The following GLIPR1L1 variants were observed in gnomAD, a reference collection of about 807,000 sequenced individuals.
The protein encoded by GLIPR1L1 is GLIPR1 like 1, also known as GLIPR1-like protein 1.
A neutral mutation model predicts 29.9 loss-of-function variants in GLIPR1L1; 26 were observed. That is an observed-to-expected ratio of 0.87 (90% CI 0.64 to 1.21). GLIPR1L1 has a LOEUF of 1.21. Ranked by LOEUF, GLIPR1L1 falls within the 50% of genes most tolerant of loss-of-function variation. The pLI is 0.00. For missense variants in GLIPR1L1, 305 were observed against 290.3 expected (o/e 1.05, Z -0.37); for synonymous variants, 77 against 97.5 (o/e 0.79, Z 1.24).
chr12:75,369,106 T>A (rs914446356), intron 4 of GLIPR1L1, among the ~76,000 whole-genome samples: 2 of 151,978 alleles, frequency 1.3e-5, no homozygotes, highest in African/African-American at 2.4e-5. Flanking sequence ...CAGTTATATA[T>A]GTAGACCTTG....
intron 1 of GLIPR1L1, among the ~76,000 whole-genome samples, chr12:75,342,871 CAT>C (rs1194076878): frequency 1.3e-5 from 2 of 151,964 alleles, no homozygotes; most frequent in Non-Finnish European, 2.9e-5. Flanking sequence ...CAGTTTTCAG[CAT>C]AGAGATCTTG....
At chr12:75,369,423 T>C (rs2044209793) in intron 4 of GLIPR1L1, 2 of 633,412 alleles carry the variant, frequency 3.2e-6, no homozygotes, top group Non-Finnish European at 3.9e-6. Flanking sequence ...GCTAGAATCA[T>C]GCTGAATACG....
At chr12:75,339,045 A>G (rs542041627) in intron 1 of GLIPR1L1, among the ~76,000 whole-genome samples, 10 of 152,270 alleles carry the variant, frequency 6.6e-5, no homozygotes, top group African/African-American at 2.2e-4. Flanking sequence ...GCTATTGTGA[A>G]TAGTGTGCAG....
intron 1 of GLIPR1L1, among the ~76,000 whole-genome samples, chr12:75,337,849 T>C (rs1428338513): frequency 1.3e-5 from 2 of 152,064 alleles, no homozygotes; most frequent in Non-Finnish European, 2.9e-5. Flanking sequence ...CTTCTTTGTC[T>C]TGTACAAATG....
intron 1 of GLIPR1L1, among the ~76,000 whole-genome samples, chr12:75,335,494 T>A (rs1026744305): frequency 3.3e-5 from 5 of 152,308 alleles, no homozygotes; most frequent in African/African-American, 9.6e-5. Flanking sequence ...GCATTGTAAC[T>A]TTTTCTTGTT....
At chr12:75,369,480 A>G in intron 4 of GLIPR1L1, 2 of 962,960 alleles carry the variant, frequency 2.1e-6, no homozygotes, top group Non-Finnish European at 2.5e-6. Context: ...TAAGTAGATT[A>G]TTTCCTAATG....
intron 2 of GLIPR1L1, among the ~76,000 whole-genome samples, chr12:75,344,616 G>A (rs985574862): frequency 2.0e-5 from 3 of 151,970 alleles, no homozygotes; most frequent in African/African-American, 7.2e-5. Flanking sequence ...TCAATAGATT[G>A]ATTTTTCTCT....
intron 3 of GLIPR1L1, among the ~76,000 whole-genome samples, chr12:75,350,205 C>A (rs1351134184): frequency 6.6e-6 from 1 of 152,204 alleles, no homozygotes; most frequent in Non-Finnish European, 1.5e-5. Context: ...TTTTCAGCAC[C>A]CCCAGCCAGG....
At chr12:75,364,029 G>A (rs570957749) in intron 4 of GLIPR1L1, among the ~76,000 whole-genome samples, 1 of 152,302 alleles carries the variant, frequency 6.6e-6, no homozygotes, top group South Asian at 2.1e-4. Flanking sequence ...CCTCGGTTAA[G>A]ATAAGGGGTT....
chr12:75,363,906 A>T (rs1373636483), intron 4 of GLIPR1L1, among the ~76,000 whole-genome samples: 2 of 152,198 alleles, frequency 1.3e-5, no homozygotes, highest in African/African-American at 4.8e-5. Context: ...AGGCAAGACA[A>T]CTGGAAGTAG....
intron 3 of GLIPR1L1, among the ~76,000 whole-genome samples, chr12:75,357,569 G>A (rs2043233551): frequency 6.6e-6 from 1 of 151,950 alleles, no homozygotes; most frequent in African/African-American, 2.4e-5. Context: ...TTCTTCAAGT[G>A]TACATGAAAT....
At chr12:75,349,735 G>T (rs2042680570) in intron 3 of GLIPR1L1, among the ~76,000 whole-genome samples, 1 of 152,008 alleles carries the variant, frequency 6.6e-6, no homozygotes, top group Admixed American at 6.5e-5. Flanking sequence ...CATAACATTA[G>T]AAATTATCCA....
In GLIPR1L1 at chr12:75,370,068, GT is replaced by G; in HGVS notation, c.638-12del. The G allele has an allele frequency of 6.5e-7, 1 of 1,527,212 alleles. No homozygotes were observed. Among genetic ancestry groups the G allele is most frequent in the Non-Finnish European group, 9.0e-7 (1 of 1,107,254 alleles). 94.6% of individuals were successfully genotyped at this position (1,527,212 alleles called of 1,614,324 possible). On this transcript the variant is annotated splice_polypyrimidine_tract_variant and intron_variant, in intron 5 of 5. Transcript: ENST00000378695. ...TTGAACTCTTAACTATTCTGGTTTT[GT>G]TTTTGTTTTTGACAGAAAATCCATT...
chr12:75,350,208 C>T (rs542248490), intron 3 of GLIPR1L1, among the ~76,000 whole-genome samples: 2 of 152,360 alleles, frequency 1.3e-5, no homozygotes, highest in East Asian at 3.9e-4. Flanking sequence ...TCAGCACCCC[C>T]AGCCAGGGGT....
intron 1 of GLIPR1L1, among the ~76,000 whole-genome samples, chr12:75,337,499 A>G (rs997027639): frequency 2.6e-5 from 4 of 151,946 alleles, no homozygotes; most frequent in African/African-American, 9.6e-5. Flanking sequence ...TAAAGAAAAT[A>G]AATGGACAAA....
In GLIPR1L1 at chr12:75,369,983, A is replaced by G; in HGVS notation, c.634A>G (p.Asn212Asp). Residue 212 changes from asparagine (N) to aspartate (D), a missense_variant, in exon 5 of 6, where the codon AAC becomes GAC. Coordinates refer to ENST00000378695, the MANE Select transcript of GLIPR1L1 (RefSeq NM_001304964.2). ...AGGGACTCCACAACTTATTATACCT[A>G]ACCGTATGTATCAAAATATTTTAGT... ...LCRTPQLIIPNQNPFLKPTGR... is the reference protein window; with the variant it reads ...LCRTPQLIIPDQNPFLKPTGR... The G allele has an allele frequency of 9.2e-7, 1 of 1,082,328 alleles. No homozygotes were observed. Among genetic ancestry groups the G allele is most frequent in the Non-Finnish European group, 1.3e-6 (1 of 741,038 alleles). 67.0% of individuals were successfully genotyped at this position (1,082,328 alleles called of 1,614,324 possible).
chr12:75,356,886 A>G (rs1360434895), intron 3 of GLIPR1L1, among the ~76,000 whole-genome samples: 1 of 152,194 alleles, frequency 6.6e-6, no homozygotes, highest in Non-Finnish European at 1.5e-5. Flanking sequence ...CCATGCTAAC[A>G]TCAGTCAAAG....
intron 3 of GLIPR1L1, chr12:75,360,082 C>A (rs2043467481): frequency 6.6e-6 from 1 of 152,110 alleles, no homozygotes; most frequent in African/African-American, 2.4e-5. Context: ...ATGAGAACAG[C>A]ATGGGGGAAA....
At position 75,347,659 on chromosome 12, in the gene GLIPR1L1, T is replaced by C. The variant is rs1462083846; in HGVS notation, c.458T>C (p.Val153Ala). ...WANSFYVGCA[V>A]AMCPNLGGAS... ...AATTCATTTTATGTCGGTTGTGCAG[T>C]TGCAATGTGTCCTAACCTTGGGGGA... Residue 153 changes from valine (V) to alanine (A), a missense_variant, in exon 3 of 6, where the codon GTT becomes GCT. Physicochemically the swap from Val to Ala is moderately conservative, Grantham distance 64. Transcript: ENST00000378695. The C allele has an allele frequency of 1.2e-6, 2 of 1,610,104 alleles. No homozygotes were observed. The highest frequency in any genetic ancestry group is 2.2e-5 in the East Asian group (1 of 44,662).
Sources: allele counts gnomAD v4.1 joint callset (sites outside exome capture counted in the v4.1 genomes callset), GRCh38; gene constraint gnomAD v4.1.1; transcripts MANE v1.5; gene names NCBI Gene and HGNC (gene_info 2026-07-23, HGNC 2026-07-21).